The following CDH12 variants were observed in gnomAD, a reference collection of about 807,000 sequenced individuals.
The protein encoded by CDH12 is cadherin 12.
CDH12 carries 41 observed loss-of-function variants against 74.1 expected under a neutral mutation model. The observed-to-expected ratio is 0.55, with a 90% CI of 0.43 to 0.72. CDH12 has a LOEUF of 0.72. Among genes scored for constraint, CDH12 ranks in the 30% least tolerant of loss-of-function variants. The pLI, the probability that CDH12 is intolerant of heterozygous loss-of-function variation, is 0.00. For synonymous variants in CDH12, 399 were observed against 355.0 expected (o/e 1.12, Z -1.39); for missense variants, 945 against 977.2 (o/e 0.97, Z 0.44).
chr5:22,428,816 C>A (rs1038373932), intron 2 of CDH12, among the ~76,000 whole-genome samples: 2 of 152,106 alleles, frequency 1.3e-5, no homozygotes, highest in African/African-American at 4.8e-5. Flanking sequence ...CACACACCAG[C>A]CTTCATAAAA....
At chr5:22,439,532 C>T (rs1380818175) in intron 2 of CDH12, among the ~76,000 whole-genome samples, 1 of 152,000 alleles carries the variant, frequency 6.6e-6, no homozygotes, top group East Asian at 1.9e-4. Context: ...AGACATTTTG[C>T]CTTTCAAGAA....
chr5:22,154,208 C>T (rs4367266), intron 4 of CDH12, among the ~76,000 whole-genome samples: 56,792 of 150,216 alleles, frequency 0.38, 12,254 homozygotes, highest in East Asian at 0.73. Flanking sequence ...TTAACATATA[C>T]ATCACCTCTC....
chr5:21,918,370 T>C (rs1016583162), intron 6 of CDH12, among the ~76,000 whole-genome samples: 2 of 152,272 alleles, frequency 1.3e-5, no homozygotes, highest in Non-Finnish European at 2.9e-5. Flanking sequence ...CATATTTTTG[T>C]CTAAAAATCC....
intron 4 of CDH12, among the ~76,000 whole-genome samples, chr5:22,182,392 C>T (rs1298126937): frequency 1.3e-5 from 2 of 152,130 alleles, no homozygotes; most frequent in Non-Finnish European, 2.9e-5. Context: ...GATTTGATTA[C>T]AGTCCATTTT....
intron 5 of CDH12, among the ~76,000 whole-genome samples, chr5:22,051,023 T>C (rs1007478518): frequency 5.9e-5 from 9 of 152,178 alleles, no homozygotes; most frequent in Non-Finnish European, 1.3e-4. Flanking sequence ...ACTCAGGCTG[T>C]CATTAAGGAA....
intron 4 of CDH12, among the ~76,000 whole-genome samples, chr5:22,183,023 A>T (rs1749728865): frequency 6.6e-6 from 1 of 150,744 alleles, no homozygotes; most frequent in Non-Finnish European, 1.5e-5. Flanking sequence ...TGGACTGATG[A>T]AACAAATTTG....
At chr5:22,761,968 A>G (rs1295827542) in intron 1 of CDH12, among the ~76,000 whole-genome samples, 1 of 151,654 alleles carries the variant, frequency 6.6e-6, no homozygotes, top group Admixed American at 6.6e-5. Context: ...CACACACATA[A>G]CCTAGTGTTA....
At chr5:22,849,861 C>A (rs1174120907) in intron 1 of CDH12, among the ~76,000 whole-genome samples, 1 of 151,908 alleles carries the variant, frequency 6.6e-6, no homozygotes, top group Non-Finnish European at 1.5e-5. Context: ...TGAAAGAAAA[C>A]CACTGTAAAA....
intron 1 of CDH12, among the ~76,000 whole-genome samples, chr5:22,670,431 C>T (rs956591245): frequency 6.6e-6 from 1 of 152,116 alleles, no homozygotes; most frequent in African/African-American, 2.4e-5. Flanking sequence ...AGAAAGCTGC[C>T]TCTACCACCT....
rs370179410 is a variant in CDH12 at position 22,789,539 on chromosome 5, C to G, written c.-523+63519G>C. ...AAGAGATAAATTTATAGTTATTTCACTAAAGTCTGCAGGGTTCTGGAACAA... is the reference window on the plus strand; with the variant it reads ...AAGAGATAAATTTATAGTTATTTCAGTAAAGTCTGCAGGGTTCTGGAACAA... On this transcript the variant is annotated intron_variant, in intron 1 of 14. Transcript: ENST00000382254. 1.2e-4 allele frequency among the ~76,000 whole-genome samples: 18 copies of G among 152,064 alleles called. No homozygotes were observed. The East Asian group carries it at 3.3e-3, about 28-fold the overall frequency.
At chr5:21,883,246 T>C (rs1561271213) in intron 6 of CDH12, 1 of 1,359,034 alleles carries the variant, frequency 7.4e-7, no homozygotes, top group Non-Finnish European at 1.1e-6. Context: ...GGCATGAAGT[T>C]TGATTGAGGG....
At chr5:22,849,627 A>T (rs1459555482) in intron 1 of CDH12, among the ~76,000 whole-genome samples, 1 of 152,126 alleles carries the variant, frequency 6.6e-6, no homozygotes, top group Non-Finnish European at 1.5e-5. Flanking sequence ...CCATTTGAAC[A>T]CATAGATTTA....
intron 6 of CDH12, among the ~76,000 whole-genome samples, chr5:21,938,723 C>CATATATATATACAT (rs1554046012): frequency 8.9e-6 from 1 of 112,078 alleles, no homozygotes; most frequent in Non-Finnish European, 1.7e-5. Flanking sequence ...ATATAATATA[C>CATATATATATACAT]ATATATATAT....
chr5:22,477,713 T>C (rs993428285), intron 2 of CDH12, among the ~76,000 whole-genome samples: 1 of 152,162 alleles, frequency 6.6e-6, no homozygotes, highest in Non-Finnish European at 1.5e-5. Context: ...ACTATTGGAC[T>C]ACCCTCACTG....
chr5:21,926,462 T>C (rs2150076622), intron 6 of CDH12, among the ~76,000 whole-genome samples: 1 of 152,338 alleles, frequency 6.6e-6, no homozygotes, highest in East Asian at 1.9e-4. Flanking sequence ...TATATCTATC[T>C]ATCTCTACCT....
intron 3 of CDH12, among the ~76,000 whole-genome samples, chr5:22,327,428 C>CTGTGTGTGTG (rs71609761): frequency 3.0e-4 from 31 of 103,342 alleles, no homozygotes; most frequent in Admixed American, 9.3e-4. Context: ...ATTTGTGCCT[C>CTGTGTGTGTG]TGTGTGTGTG....
intron 5 of CDH12, among the ~76,000 whole-genome samples, chr5:22,008,985 C>T (rs990525124): frequency 6.6e-6 from 1 of 152,162 alleles, no homozygotes; most frequent in East Asian, 1.9e-4. Context: ...GTTTTAGTCT[C>T]ATTTAGGGGT....
intron 1 of CDH12, among the ~76,000 whole-genome samples, chr5:22,797,640 C>A (rs1189121234): frequency 1.3e-5 from 2 of 152,158 alleles, no homozygotes; most frequent in Non-Finnish European, 2.9e-5. Flanking sequence ...GAATAACCAT[C>A]TATGTAGAAA....
rs369036490 is a variant in CDH12, at chr5:21,962,962, G to T, written c.526+12129C>A. Among the ~76,000 whole-genome samples, 4 of 151,974 alleles carry T rather than the reference G, an allele frequency of 2.6e-5. No homozygotes were observed. The South Asian group carries it at 6.2e-4, about 24-fold the overall frequency. On this transcript the variant is annotated intron_variant, in intron 6 of 14. Transcript: ENST00000382254. The stretch of plus-strand genomic sequence containing the variant: ...GTATAGAGCAGCTTTTGACGAAATT[G>T]GTGCCAAACACTTATTCTGGCTTCT...
Sources: allele counts gnomAD v4.1 joint callset (sites outside exome capture counted in the v4.1 genomes callset), GRCh38; gene constraint gnomAD v4.1.1; transcripts MANE v1.5; gene names NCBI Gene and HGNC (gene_info 2026-07-23, HGNC 2026-07-21).